ZCWPW2: variants seen among roughly 807,000 people sequenced by gnomAD.
ZCWPW2 encodes the protein zinc finger CW-type and PWWP domain containing 2.
A neutral mutation model predicts 46.6 loss-of-function variants in ZCWPW2; 45 were observed. The ratio of observed to expected loss-of-function variants is 0.96; its 90% CI spans 0.76 to 1.24. The LOEUF (loss-of-function observed/expected upper bound fraction) is 1.24, where lower values mean the gene tolerates loss of function less well. ZCWPW2 is among the 50% of genes most tolerant of loss of function. ZCWPW2 has a pLI of 0.00. For synonymous variants in ZCWPW2, 152 were observed against 137.1 expected, an observed-to-expected ratio of 1.11 and a Z score of -0.76; for missense variants, 429 against 403.9, an observed-to-expected ratio of 1.06 and a Z score of -0.53.
chr3:28,424,864 T>C (rs550870751), intron 3 of ZCWPW2, among the ~76,000 whole-genome samples: 3 of 152,302 alleles, frequency 2.0e-5, no homozygotes, highest in Non-Finnish European at 2.9e-5. Flanking sequence ...GCAATAGATA[T>C]GTAAGAAAAA....
At chr3:28,412,765 A>G (rs534491135) in intron 2 of ZCWPW2, among the ~76,000 whole-genome samples, 2 of 152,146 alleles carry the variant, frequency 1.3e-5, no homozygotes, top group Admixed American at 6.6e-5. Flanking sequence ...TGTGTGCTAT[A>G]TATTAGGTTA....
chr3:28,401,981 A>C (rs1308545078), intron 2 of ZCWPW2, among the ~76,000 whole-genome samples: 1 of 151,842 alleles, frequency 6.6e-6, no homozygotes, highest in Non-Finnish European at 1.5e-5. Context: ...CTGAAAGAGC[A>C]CTAACAGACA....
intron 4 of ZCWPW2, among the ~76,000 whole-genome samples, chr3:28,454,909 A>G (rs1207342874): frequency 1.3e-5 from 2 of 152,150 alleles, no homozygotes; most frequent in Non-Finnish European, 2.9e-5. Flanking sequence ...GGTTGATTCC[A>G]TGTATTTGCT....
At chr3:28,447,974 C>G in intron 4 of ZCWPW2, 1 of 558,066 alleles carries the variant, frequency 1.8e-6, no homozygotes, top group Non-Finnish European at 3.3e-6. Flanking sequence ...TCCATGTGTG[C>G]TAAATGTTTT....
chr3:28,453,855 T>A (rs551686103), intron 4 of ZCWPW2, among the ~76,000 whole-genome samples: 35 of 149,560 alleles, frequency 2.3e-4, no homozygotes, highest in East Asian at 5.8e-4. Flanking sequence ...TATTATTATT[T>A]TTTTTTTGAG....
intron 6 of ZCWPW2, among the ~76,000 whole-genome samples, chr3:28,496,101 A>G (rs1699984100): frequency 2.0e-5 from 3 of 152,070 alleles, no homozygotes; most frequent in Admixed American, 2.0e-4. Flanking sequence ...AGACAAATTA[A>G]ATGGTTCTCG....
At chr3:28,388,326 C>T (rs1695354606) in intron 1 of ZCWPW2, among the ~76,000 whole-genome samples, 1 of 152,030 alleles carries the variant, frequency 6.6e-6, no homozygotes, top group South Asian at 2.1e-4. Context: ...TATCACAAGT[C>T]CCCCCCTTGT....
At position 28,488,604 on chromosome 3, in the gene ZCWPW2, T is replaced by C. The variant is rs573000287; in HGVS notation, c.611-3523T>C. ...TTTGTATTTCTCCCTAATATGGTTGTAAGTAAAAAATCAATAACATCTGTT... is the reference window on the plus strand; with the variant it reads ...TTTGTATTTCTCCCTAATATGGTTGCAAGTAAAAAATCAATAACATCTGTT... On this transcript the variant is annotated intron_variant, in intron 5 of 9. Coordinates refer to ENST00000383768, the MANE Select transcript of ZCWPW2 (RefSeq NM_001040432.4). Among the ~76,000 whole-genome samples, 3 of 152,318 alleles carry C rather than the reference T, an allele frequency of 2.0e-5. No homozygotes were observed. The East Asian group carries it at 5.8e-4, about 29-fold the overall frequency.
intron 3 of ZCWPW2, among the ~76,000 whole-genome samples, chr3:28,420,766 G>C (rs1197876628): frequency 6.6e-6 from 1 of 151,630 alleles, no homozygotes; most frequent in Non-Finnish European, 1.5e-5. Flanking sequence ...TTTTCTTCTT[G>C]AGTACTTTTA....
Position 28,435,285 on chromosome 3 carries a change from T to C in ZCWPW2, c.492+16T>C, listed in dbSNP as rs2125763628. 1 of 1,577,608 alleles carries C rather than the reference T, an allele frequency of 6.3e-7. No homozygotes were observed. The highest frequency in any genetic ancestry group is 2.3e-5 in the East Asian group (1 of 44,236). On this transcript the variant is annotated intron_variant, in intron 4 of 9. Coordinates refer to ENST00000383768, the MANE Select transcript of ZCWPW2 (RefSeq NM_001040432.4). ...CACATTAAAGGTAGGTATCATAACA[T>C]CAAAACTTTATTCTTCTTGCACTTA...
chr3:28,459,717 T>C (rs1044373124), intron 4 of ZCWPW2, among the ~76,000 whole-genome samples: 2 of 152,196 alleles, frequency 1.3e-5, no homozygotes, highest in Non-Finnish European at 2.9e-5. Flanking sequence ...TCATTTTCTC[T>C]TCTCAAAATC....
chr3:28,485,399 G>C (rs1395811135), intron 5 of ZCWPW2, among the ~76,000 whole-genome samples: 1 of 152,176 alleles, frequency 6.6e-6, no homozygotes, highest in Non-Finnish European at 1.5e-5. Flanking sequence ...GTAGATTACA[G>C]ATGTCAAATA....
intron 1 of ZCWPW2, among the ~76,000 whole-genome samples, chr3:28,357,006 A>C (rs1490134547): frequency 6.6e-6 from 1 of 152,026 alleles, no homozygotes; most frequent in Non-Finnish European, 1.5e-5. Flanking sequence ...AGTATAATTG[A>C]AAAAAAAGAA....
chr3:28,417,057 CTTT>C (rs762824707), intron 3 of ZCWPW2, among the ~76,000 whole-genome samples: 4 of 124,664 alleles, frequency 3.2e-5, no homozygotes, highest in African/African-American at 2.9e-5. Context: ...GATTCCCTCT[CTTT>C]TTTTTTTTTT....
intron 4 of ZCWPW2, among the ~76,000 whole-genome samples, chr3:28,476,733 G>A (rs989061785): frequency 6.6e-6 from 1 of 152,122 alleles, no homozygotes; most frequent in Non-Finnish European, 1.5e-5. Context: ...TCACCATAAT[G>A]TAGAATCGGT....
intron 2 of ZCWPW2, among the ~76,000 whole-genome samples, chr3:28,402,116 A>C (rs1695968451): frequency 1.3e-5 from 2 of 152,058 alleles, no homozygotes; most frequent in South Asian, 4.1e-4. Context: ...AAAAAATACA[A>C]AAGATAGATG....
intron 1 of ZCWPW2, among the ~76,000 whole-genome samples, chr3:28,363,260 T>C (rs1705008153): frequency 6.6e-6 from 1 of 152,002 alleles, no homozygotes. Context: ...ATATCCAGAA[T>C]ATACAAAACT....
Position 28,459,551 on chromosome 3 carries a change from C to G in ZCWPW2, c.493-19263C>G, listed in dbSNP as rs1007601231. Among the ~76,000 whole-genome samples the G allele has an allele frequency of 4.6e-5, 7 of 152,226 alleles. No homozygotes were observed. In the East Asian group the frequency reaches 1.4e-3, roughly 29 times the overall value. ...TTGTATTGTGTTTATTGTGTTTACTCTATGGAATGTATGAAAGTATTTATG... is the reference window on the plus strand; with the variant it reads ...TTGTATTGTGTTTATTGTGTTTACTGTATGGAATGTATGAAAGTATTTATG... On this transcript the variant is annotated intron_variant, in intron 4 of 9. Coordinates refer to ENST00000383768, the MANE Select transcript of ZCWPW2 (RefSeq NM_001040432.4).
chr3:28,459,363 C>T (rs946709418), intron 4 of ZCWPW2, among the ~76,000 whole-genome samples: 2 of 151,578 alleles, frequency 1.3e-5, no homozygotes, highest in Non-Finnish European at 2.9e-5. Context: ...GAGCGAGACT[C>T]TGTCTCCAAA....
Sources: allele counts gnomAD v4.1 joint callset (sites outside exome capture counted in the v4.1 genomes callset), GRCh38; gene constraint gnomAD v4.1.1; transcripts MANE v1.5; gene names NCBI Gene and HGNC (gene_info 2026-07-23, HGNC 2026-07-21).